The following TTC28 variants were observed in gnomAD, a reference collection of about 807,000 sequenced individuals.
TTC28 encodes the protein tetratricopeptide repeat protein 28.
TTC28 carries 61 observed loss-of-function variants against 198.0 expected under a neutral mutation model. The observed-to-expected ratio is 0.31, with a 90% CI of 0.25 to 0.38. The LOEUF (loss-of-function observed/expected upper bound fraction) is 0.38, where lower values mean the gene tolerates loss of function less well. TTC28 is among the 10% of genes least tolerant of loss of function. TTC28 has a pLI of 1.00. For missense variants in TTC28, 2,678 were observed against 3,164.0 expected, an observed-to-expected ratio of 0.85 and a Z score of 3.69; for synonymous variants, 1,171 against 1,297.8, an observed-to-expected ratio of 0.90 and a Z score of 2.10.
At chr22:28,054,272 C>A (rs79217719) in intron 12 of TTC28, among the ~76,000 whole-genome samples, 2,845 of 152,244 alleles carry the variant, frequency 0.019, 31 homozygotes, top group Non-Finnish European at 0.027. Flanking sequence ...AATGAGGCTG[C>A]CTAATGAGTA....
intron 2 of TTC28, among the ~76,000 whole-genome samples, chr22:28,473,658 G>T (rs1229435233): frequency 6.6e-6 from 1 of 152,194 alleles, no homozygotes; most frequent in East Asian, 1.9e-4. Context: ...GCTGTACACT[G>T]CCACTTTCAA....
intron 1 of TTC28, among the ~76,000 whole-genome samples, chr22:28,658,231 C>T (rs1011981162): frequency 1.3e-5 from 2 of 152,086 alleles, no homozygotes; most frequent in Non-Finnish European, 2.9e-5. Flanking sequence ...TAAAATTAAT[C>T]AAAATGTAAT....
chr22:28,078,316 T>G (rs1313421709), intron 12 of TTC28, among the ~76,000 whole-genome samples: 3 of 152,112 alleles, frequency 2.0e-5, no homozygotes, highest in Admixed American at 2.0e-4. Flanking sequence ...AGGGGCACAG[T>G]GCATTTTACA....
chr22:28,661,567 A>T (rs2051747482), intron 1 of TTC28, among the ~76,000 whole-genome samples: 1 of 151,764 alleles, frequency 6.6e-6, no homozygotes, highest in South Asian at 2.1e-4. Flanking sequence ...CTACAGGTAC[A>T]TGCCACCATA....
chr22:28,325,799 T>C (rs1195779317), intron 2 of TTC28, among the ~76,000 whole-genome samples: 1 of 152,090 alleles, frequency 6.6e-6, no homozygotes, highest in Non-Finnish European at 1.5e-5. Flanking sequence ...AATACCACTA[T>C]ATACCTATTA....
At chr22:28,677,699 G>T (rs2145722454) in intron 1 of TTC28, among the ~76,000 whole-genome samples, 1 of 152,198 alleles carries the variant, frequency 6.6e-6, no homozygotes, top group Middle Eastern at 3.4e-3. Context: ...CACTTTGGGA[G>T]GCCAAGGTGG....
intron 2 of TTC28, among the ~76,000 whole-genome samples, chr22:28,356,131 T>C (rs1283292868): frequency 6.6e-6 from 1 of 152,192 alleles, no homozygotes; most frequent in African/African-American, 2.4e-5. Context: ...TATTAACACA[T>C]AAACATGTTC....
intron 2 of TTC28, among the ~76,000 whole-genome samples, chr22:28,320,400 A>G (rs1396873908): frequency 1.3e-5 from 2 of 152,120 alleles, no homozygotes; most frequent in African/African-American, 4.8e-5. Context: ...TTAAGTTTAG[A>G]AGAGAGAAAC....
chr22:28,427,507 C>A (rs1254977390), intron 2 of TTC28, among the ~76,000 whole-genome samples: 1 of 150,904 alleles, frequency 6.6e-6, no homozygotes, highest in African/African-American at 2.4e-5. Context: ...AAAAAATTAG[C>A]CGGGTTTGGA....
Position 28,306,560 on chromosome 22 carries a change from T to C in TTC28, c.465A>G (p.Gln155=). Residue 155 remains glutamine, a synonymous_variant, in exon 3 of 23, where the codon CAA becomes CAG. Transcript: ENST00000397906. ...CCAGAAGCTGGAGACTCTTGGGGTC[T>C]TGAGCCAGTCCAGATGCAAAGGCTG... is the stretch of plus-strand genomic sequence containing the variant. ...ALAAFASGLA[Q]DPKSLQLLVG... is the part of the protein sequence containing the mutation. 1.3e-6 allele frequency: 2 copies of C among 1,551,414 alleles called. No individual in the cohort carries two copies. The highest frequency in any genetic ancestry group is 1.7e-6 in the Non-Finnish European group (2 of 1,146,910).
At position 28,445,887 on chromosome 22, in the gene TTC28, C is replaced by A. The variant is rs145672691; in HGVS notation, c.382-139244G>T. 9.9e-5 allele frequency among the ~76,000 whole-genome samples: 15 copies of A among 151,786 alleles called. No individual in the cohort carries two copies. The East Asian group carries it at 2.9e-3, about 29-fold the overall frequency. On this transcript the variant is annotated intron_variant, in intron 2 of 22. Transcript: ENST00000397906. Reference sequence around the variant, plus strand: ...ACACACACACACACACACACACACACATATGTATTTCTAAAATGTTCATTC... The same window carrying A: ...ACACACACACACACACACACACACAAATATGTATTTCTAAAATGTTCATTC...
At chr22:28,271,003 C>A (rs1932029440) in intron 5 of TTC28, among the ~76,000 whole-genome samples, 1 of 152,166 alleles carries the variant, frequency 6.6e-6, no homozygotes, top group Non-Finnish European at 1.5e-5. Flanking sequence ...ATACGTTTAT[C>A]TCTTTTTTAT....
At chr22:27,990,306 G>T (rs894746639) in intron 20 of TTC28, among the ~76,000 whole-genome samples, 1 of 152,150 alleles carries the variant, frequency 6.6e-6, no homozygotes, top group Non-Finnish European at 1.5e-5. Context: ...GAGAGGCCAT[G>T]GAGAGTAGAA....
At chr22:28,578,341 G>T (rs998077540) in intron 2 of TTC28, among the ~76,000 whole-genome samples, 13 of 152,074 alleles carry the variant, frequency 8.5e-5, no homozygotes, top group East Asian at 7.7e-4. Context: ...TATTATTTTT[G>T]ATAGGTTTAT....
At chr22:28,114,548 T>A (rs1036556768) in intron 6 of TTC28, among the ~76,000 whole-genome samples, 1 of 152,114 alleles carries the variant, frequency 6.6e-6, no homozygotes, top group African/African-American at 2.4e-5. Flanking sequence ...ATCTCCATTA[T>A]TTTTGCCAGT....
At chr22:28,284,077 A>G (rs1488778261) in intron 5 of TTC28, among the ~76,000 whole-genome samples, 1 of 152,216 alleles carries the variant, frequency 6.6e-6, no homozygotes, top group African/African-American at 2.4e-5. Flanking sequence ...ACAGGCATTT[A>G]TCATGACTGG....
chr22:28,001,353 C>T (rs754758201), intron 15 of TTC28, 21 bp downstream of exon 15: 1 of 1,532,180 alleles, frequency 6.5e-7, no homozygotes, highest in Non-Finnish European at 8.8e-7. Context: ...CCCGGCCCCC[C>T]ACCATGTGTG....
At chr22:28,041,452 T>G (rs552419560) in intron 12 of TTC28, among the ~76,000 whole-genome samples, 3 of 152,320 alleles carry the variant, frequency 2.0e-5, no homozygotes, top group African/African-American at 7.2e-5. Flanking sequence ...ATCTGATCTT[T>G]GGCAAACCTG....
intron 5 of TTC28, among the ~76,000 whole-genome samples, chr22:28,178,059 A>G (rs1923337585): frequency 6.7e-6 from 1 of 150,122 alleles, no homozygotes; most frequent in Non-Finnish European, 1.5e-5. Flanking sequence ...ATACTAATGC[A>G]GGATATCAAT....
Sources: allele counts gnomAD v4.1 joint callset (sites outside exome capture counted in the v4.1 genomes callset), GRCh38; gene constraint gnomAD v4.1.1; transcripts MANE v1.5; gene names NCBI Gene and HGNC (gene_info 2026-07-23, HGNC 2026-07-21).